PPP3CC: variants seen among roughly 807,000 people sequenced by gnomAD.
The protein encoded by PPP3CC is serine/threonine-protein phosphatase 2B catalytic subunit gamma isoform.
In PPP3CC, 35 loss-of-function variants were observed where a neutral mutation model predicts 60.3. That is an observed-to-expected ratio of 0.58 (90% CI 0.44 to 0.77). The LOEUF (loss-of-function observed/expected upper bound fraction) is 0.77. PPP3CC is among the 30% of genes least tolerant of loss of function. The pLI is 0.00. For missense variants in PPP3CC, 570 were observed against 628.9 expected, an observed-to-expected ratio of 0.91 and a Z score of 1.00; for synonymous variants, 206 against 224.3, an observed-to-expected ratio of 0.92 and a Z score of 0.73.
At chr8:22,467,052 A>G (rs1261997001) in intron 1 of PPP3CC, among the ~76,000 whole-genome samples, 2 of 152,204 alleles carry the variant, frequency 1.3e-5, no homozygotes, top group African/African-American at 2.4e-5. Context: ...GGCTGGTTGC[A>G]GCCAGTTTTG....
At chr8:22,495,792 C>A (rs756068082) in intron 3 of PPP3CC, among the ~76,000 whole-genome samples, 9 of 152,250 alleles carry the variant, frequency 5.9e-5, no homozygotes, top group Non-Finnish European at 1.0e-4. Flanking sequence ...CTCCTGACTT[C>A]AGGTGATCTG....
At chr8:22,449,976 C>A (rs1836959983) in intron 1 of PPP3CC, among the ~76,000 whole-genome samples, 1 of 150,880 alleles carries the variant, frequency 6.6e-6, no homozygotes, top group Admixed American at 6.6e-5. Flanking sequence ...AAGTGATTAT[C>A]CTGCCTCAGC....
chr8:22,487,668 T>A (rs1192034531), intron 3 of PPP3CC, among the ~76,000 whole-genome samples: 1 of 152,050 alleles, frequency 6.6e-6, no homozygotes, highest in African/African-American at 2.4e-5. Context: ...TCTTCCTCTG[T>A]GAGAGAAGAA....
intron 6 of PPP3CC, among the ~76,000 whole-genome samples, chr8:22,518,411 A>C (rs1839311213): frequency 6.6e-6 from 1 of 152,040 alleles, no homozygotes; most frequent in Non-Finnish European, 1.5e-5. Flanking sequence ...TTCTTAAGTT[A>C]TTGATTTCTA....
intron 1 of PPP3CC, among the ~76,000 whole-genome samples, chr8:22,454,154 A>T (rs931197314): frequency 1.3e-5 from 2 of 152,252 alleles, no homozygotes; most frequent in African/African-American, 4.8e-5. Context: ...AAACACATAT[A>T]GCTGTACATA....
chr8:22,531,106 C>T (rs1043976907), intron 10 of PPP3CC, among the ~76,000 whole-genome samples: 3 of 152,120 alleles, frequency 2.0e-5, no homozygotes, highest in Admixed American at 2.0e-4. Flanking sequence ...GAAGAAACTA[C>T]TGACAAAATA....
intron 1 of PPP3CC, among the ~76,000 whole-genome samples, chr8:22,455,147 G>A (rs1361197538): frequency 2.0e-5 from 3 of 151,486 alleles, no homozygotes; most frequent in Non-Finnish European, 4.4e-5. Context: ...AGTATAGATA[G>A]AATTTTGGAA....
chr8:22,532,314 T>C lies in PPP3CC; in HGVS notation c.1223+8T>C, dbSNP rs767959431. 3 of 1,598,824 alleles carry C rather than the reference T, an allele frequency of 1.9e-6. No homozygotes were observed. The highest frequency in any genetic ancestry group is 1.7e-6 in the Non-Finnish European group (2 of 1,166,274). On this transcript the variant is annotated splice_region_variant and intron_variant, in intron 11 of 13. Coordinates refer to ENST00000240139, the MANE Select transcript of PPP3CC (RefSeq NM_005605.5). ...GGTCTTTTCAATTCTTCGGTAAGGA[T>C]GTCTGTCATTACAGTGCGGATTAAA... is the stretch of plus-strand genomic sequence containing the variant.
chr8:22,459,179 G>A (rs984159849), intron 1 of PPP3CC, among the ~76,000 whole-genome samples: 21 of 151,452 alleles, frequency 1.4e-4, no homozygotes, highest in African/African-American at 5.1e-4. Flanking sequence ...TGATCGTTCC[G>A]CCTCCACCTA....
chr8:22,471,589 A>G (rs1419142793), intron 1 of PPP3CC, among the ~76,000 whole-genome samples: 1 of 152,230 alleles, frequency 6.6e-6, no homozygotes, highest in Non-Finnish European at 1.5e-5. Flanking sequence ...AGTGCTAAGT[A>G]TTTGAGTATC....
intron 1 of PPP3CC, among the ~76,000 whole-genome samples, chr8:22,456,743 CT>C (rs1837206351): frequency 6.6e-6 from 1 of 152,214 alleles, no homozygotes; most frequent in Admixed American, 6.5e-5. Flanking sequence ...CCCTGTATAG[CT>C]ACACCAGTCC....
At chr8:22,506,928 AAATT>A (rs376223389) in intron 4 of PPP3CC, among the ~76,000 whole-genome samples, 4,749 of 150,876 alleles carry the variant, frequency 0.031, 105 homozygotes, top group Middle Eastern at 0.068. Context: ...TCAAATAAAT[AAATT>A]AATTAATTAA....
At chr8:22,448,338 T>G (rs888201350) in intron 1 of PPP3CC, among the ~76,000 whole-genome samples, 21 of 152,124 alleles carry the variant, frequency 1.4e-4, no homozygotes, top group African/African-American at 5.1e-4. Flanking sequence ...CTGGGAAAAT[T>G]TGAATATGGT....
At chr8:22,522,385 T>C (rs1335441905) in intron 6 of PPP3CC, 106 bp from the exon 7 acceptor site, 5 of 808,692 alleles carry the variant, frequency 6.2e-6, no homozygotes, top group African/African-American at 1.7e-5. Context: ...GTAATACTTG[T>C]AGTTTTGAAA....
At chr8:22,525,147 C>A (rs80013897) in intron 8 of PPP3CC, among the ~76,000 whole-genome samples, 5 of 48,698 alleles carry the variant, frequency 1.0e-4, no homozygotes, top group African/African-American at 3.2e-4. Flanking sequence ...AAGACCCTGT[C>A]TCTAAAAAAT....
intron 3 of PPP3CC, among the ~76,000 whole-genome samples, chr8:22,497,216 G>T (rs1046525247): frequency 6.6e-6 from 1 of 151,936 alleles, no homozygotes; most frequent in African/African-American, 2.4e-5. Context: ...TTTAGTAGAC[G>T]CGGGGTTTCT....
In PPP3CC at chr8:22,522,551, T is replaced by C; in HGVS notation, c.831T>C (p.His277=). 6.2e-7 allele frequency: 1 copy of C among 1,612,642 alleles called. No homozygotes were observed. The highest frequency in any genetic ancestry group is 1.1e-5 in the South Asian group (1 of 90,736). Residue 277 remains histidine, a synonymous_variant, in exon 7 of 14, where the codon CAT becomes CAC. Transcript: ENST00000240139. ...ATTTACTATCAATTATCAGAGCCCA[T>C]GAAGCCCAAGATGCTGGGTAAGTTA... ...NNNLLSIIRA[H]EAQDAGYRMY...
chr8:22,495,777 T>G (rs752574454), intron 3 of PPP3CC, among the ~76,000 whole-genome samples: 2 of 152,192 alleles, frequency 1.3e-5, no homozygotes, highest in Non-Finnish European at 1.5e-5. Context: ...CAGGCTGGTC[T>G]CAAGCTCCTG....
chr8:22,497,967 C>A, intron 3 of PPP3CC, 34 bp from the exon 4 acceptor site: 1 of 1,464,882 alleles, frequency 6.8e-7, no homozygotes, highest in Non-Finnish European at 9.4e-7. Flanking sequence ...ATAATGGTCA[C>A]AAAGAAAATT....
Sources: allele counts gnomAD v4.1 joint callset (sites outside exome capture counted in the v4.1 genomes callset), GRCh38; gene constraint gnomAD v4.1.1; transcripts MANE v1.5; gene names NCBI Gene and HGNC (gene_info 2026-07-23, HGNC 2026-07-21).